Variants in ST18 observed in about 807,000 individuals in gnomAD.
ST18 encodes the protein suppression of tumorigenicity 18 protein.
In ST18, 50 loss-of-function variants were observed where a neutral mutation model predicts 110.0. That is an observed-to-expected ratio of 0.45 (90% CI 0.36 to 0.58). ST18 has a LOEUF of 0.58. Among genes scored for constraint, ST18 ranks in the 20% least tolerant of loss-of-function variants. The probability of loss-of-function intolerance (pLI) is 0.00; values close to 1 mark genes in which losing one functional copy is unlikely to be tolerated. For missense variants in ST18, 1,306 were observed against 1,280.1 expected (o/e 1.02, Z -0.31); for synonymous variants, 461 against 452.4 (o/e 1.02, Z -0.24).
chr8:52,401,762 A>G (rs1842865226), intron 2 of ST18, among the ~76,000 whole-genome samples: 1 of 152,036 alleles, frequency 6.6e-6, no homozygotes, highest in African/African-American at 2.4e-5. Flanking sequence ...CCTTAAAATT[A>G]TTAGGTTTAA....
chr8:52,199,025 T>A (rs1411074441), intron 8 of ST18: 1 of 152,026 alleles, frequency 6.6e-6, no homozygotes, highest in African/African-American at 2.4e-5. Context: ...ACTCATGGGG[T>A]GCCCTGATGT....
At chr8:52,184,110 C>A (rs980466103) in intron 8 of ST18, among the ~76,000 whole-genome samples, 1 of 152,176 alleles carries the variant, frequency 6.6e-6, no homozygotes, top group Non-Finnish European at 1.5e-5. Flanking sequence ...AGAAATGCCA[C>A]AAAATGCTAA....
intron 14 of ST18, among the ~76,000 whole-genome samples, chr8:52,159,407 T>C (rs2060845150): frequency 6.6e-6 from 1 of 152,092 alleles, no homozygotes; most frequent in African/African-American, 2.4e-5. Context: ...ACTGGCAACA[T>C]TTGTGGCAAA....
intron 2 of ST18, among the ~76,000 whole-genome samples, chr8:52,370,978 G>T (rs905889312): frequency 6.6e-6 from 1 of 152,188 alleles, no homozygotes; most frequent in Non-Finnish European, 1.5e-5. Flanking sequence ...TTGGGCTCTG[G>T]AGTCAGATAA....
At chr8:52,316,709 G>A (rs2096034403) in intron 2 of ST18, among the ~76,000 whole-genome samples, 1 of 152,140 alleles carries the variant, frequency 6.6e-6, no homozygotes, top group African/African-American at 2.4e-5. Context: ...TTTTTGTATG[G>A]TTAATGTCTG....
intron 15 of ST18, among the ~76,000 whole-genome samples, chr8:52,156,336 A>G (rs1185182419): frequency 6.6e-6 from 1 of 152,244 alleles, no homozygotes; most frequent in African/African-American, 2.4e-5. Context: ...AGTTTGGAGT[A>G]AGGAGAAGCT....
intron 21 of ST18, among the ~76,000 whole-genome samples, 158 bp from the exon 22 acceptor site, chr8:52,132,337 C>T (rs2050013616): frequency 1.3e-5 from 2 of 152,342 alleles, no homozygotes; most frequent in South Asian, 4.1e-4. Context: ...ACGCGATTTT[C>T]ATGCATTATC....
At chr8:52,287,067 A>G (rs2095482916) in intron 2 of ST18, among the ~76,000 whole-genome samples, 1 of 152,222 alleles carries the variant, frequency 6.6e-6, no homozygotes, top group Non-Finnish European at 1.5e-5. Flanking sequence ...GACTGTTCCA[A>G]AATATCTAGA....
chr8:52,242,837 A>T (rs1434708822), intron 2 of ST18, among the ~76,000 whole-genome samples: 1 of 150,880 alleles, frequency 6.6e-6, no homozygotes, highest in Non-Finnish European at 1.5e-5. Context: ...ATGCCATTGC[A>T]CTCCAGCCAG....
At chr8:52,119,871 G>T (rs530606284) in intron 23 of ST18, among the ~76,000 whole-genome samples, 5 of 152,328 alleles carry the variant, frequency 3.3e-5, no homozygotes, top group East Asian at 1.9e-4. Context: ...GACCAATGAA[G>T]AGAGTGTGTC....
intron 2 of ST18, among the ~76,000 whole-genome samples, chr8:52,265,227 GA>G: frequency 6.6e-6 from 1 of 152,200 alleles, no homozygotes; most frequent in Non-Finnish European, 1.5e-5. Flanking sequence ...TGGTATATTT[GA>G]AAGAAAATAG....
At chr8:52,325,745 G>C (rs1397989173) in intron 2 of ST18, among the ~76,000 whole-genome samples, 1 of 152,090 alleles carries the variant, frequency 6.6e-6, no homozygotes, top group Non-Finnish European at 1.5e-5. Context: ...TTTTTGCCCA[G>C]ACTCTTTCCA....
chr8:52,389,304 G>A (rs1318671759), intron 2 of ST18, among the ~76,000 whole-genome samples: 1 of 152,194 alleles, frequency 6.6e-6, no homozygotes, highest in African/African-American at 2.4e-5. Flanking sequence ...AGCCCGGTGA[G>A]GAGGCTAGCA....
chr8:52,118,927 GC>G (rs1180759373), intron 23 of ST18, among the ~76,000 whole-genome samples: 1 of 152,152 alleles, frequency 6.6e-6, no homozygotes, highest in African/African-American at 2.4e-5. Flanking sequence ...ACAGTTTTAT[GC>G]TGAGTAATTA....
At chr8:52,212,036 G>T in intron 8 of ST18, 43 bp downstream of exon 8, 1 of 1,576,616 alleles carries the variant, frequency 6.3e-7, no homozygotes, top group Non-Finnish European at 8.6e-7. Context: ...GAATAATCAA[G>T]GCCCATTAAT....
At chr8:52,274,263 C>T (rs531820449) in intron 2 of ST18, among the ~76,000 whole-genome samples, 1 of 152,086 alleles carries the variant, frequency 6.6e-6, no homozygotes. Context: ...AGGTGCTACA[C>T]AGAATTCCTT....
chr8:52,149,862 G>C lies in ST18; in HGVS notation c.1922C>G (p.Ser641Cys). Reference sequence around the variant, plus strand: ...GCTGCTTGTTTTGAATGGGGAAGAGGAAGGAGTTGGAATAGAAGTGTTAGA... The same window carrying C: ...GCTGCTTGTTTTGAATGGGGAAGAGCAAGGAGTTGGAATAGAAGTGTTAGA... The part of the protein sequence containing the change: ...TSSNTSIPTP[S>C]SSPFKTSSIL... Residue 641 changes from serine (S) to cysteine (C), a missense_variant, in exon 16 of 26, where the codon TCC (serine) becomes TGC (cysteine). Coordinates refer to ENST00000689386, the MANE Select transcript of ST18 (RefSeq NM_001352837.2). 6.2e-7 allele frequency: 1 copy of C among 1,614,202 alleles called. No individual in the cohort carries two copies. The highest frequency in any genetic ancestry group is 8.5e-7 in the Non-Finnish European group (1 of 1,180,024).
intron 2 of ST18, among the ~76,000 whole-genome samples, chr8:52,322,567 A>G (rs1018203633): frequency 2.0e-5 from 3 of 152,238 alleles, no homozygotes; most frequent in Non-Finnish European, 4.4e-5. Context: ...TCTTTTCAAT[A>G]AAATATCACT....
Position 52,142,923 on chromosome 8 carries a change from C to T in ST18, c.2168+7G>A, listed in dbSNP as rs7010548. On this transcript the variant is annotated splice_region_variant and intron_variant, in intron 17 of 25. Transcript: ENST00000689386. ...TCTTAGAGGGCATGGCATTGGGCACCACTTACGTGATTAGTTCCTTTTTGA... is the reference window on the plus strand; with the variant it reads ...TCTTAGAGGGCATGGCATTGGGCACTACTTACGTGATTAGTTCCTTTTTGA... 0.19 allele frequency: 309,728 copies of T among 1,593,444 alleles called. 40,554 individuals carry two copies. Among genetic ancestry groups the T allele is most frequent in the African/African-American group, 0.67 (50,036 of 74,432 alleles).
Sources: gnomAD v4.1 joint callset for allele counts (sites outside exome capture counted in the v4.1 genomes callset) on GRCh38, gnomAD v4.1.1 for gene constraint, MANE v1.5 for transcripts, NCBI Gene and HGNC (gene_info 2026-07-23, HGNC 2026-07-21) for gene names.